Variants in STK35 observed in about 807,000 individuals in gnomAD.
STK35 encodes the protein serine/threonine-protein kinase 35.
A neutral mutation model predicts 37.3 loss-of-function variants in STK35; 17 were observed. The ratio of observed to expected loss-of-function variants is 0.46; its 90% CI spans 0.31 to 0.68. The LOEUF (loss-of-function observed/expected upper bound fraction) is 0.68, where lower values mean the gene tolerates loss of function less well. Among genes scored for constraint, STK35 ranks in the 30% least tolerant of loss-of-function variants. The probability of loss-of-function intolerance (pLI) is 0.05; values close to 1 mark genes in which losing one functional copy is unlikely to be tolerated. For missense variants in STK35, 595 were observed against 746.7 expected, an observed-to-expected ratio of 0.80 and a Z score of 2.37; for synonymous variants, 385 against 319.1, an observed-to-expected ratio of 1.21 and a Z score of -2.20.
intron 3 of STK35, among the ~76,000 whole-genome samples, chr20:2,131,978 C>T (rs145296246): frequency 6.6e-6 from 1 of 152,016 alleles, no homozygotes; most frequent in African/African-American, 2.4e-5. Context: ...AAACAAAAAC[C>T]CACACATTAG....
chr20:2,118,581 CAA>C (rs11295812), intron 3 of STK35, among the ~76,000 whole-genome samples: 12 of 141,976 alleles, frequency 8.5e-5, no homozygotes, highest in East Asian at 4.0e-4. Flanking sequence ...GACTCCGTCT[CAA>C]AAAAAAAAAA....
At chr20:2,111,937 T>A (rs537225470) in intron 2 of STK35, among the ~76,000 whole-genome samples, 1 of 152,164 alleles carries the variant, frequency 6.6e-6, no homozygotes, top group African/African-American at 2.4e-5. Context: ...CTTCCTCTCA[T>A]CCCAGCTTCT....
chr20:2,111,444 C>G (rs908405014), intron 2 of STK35, among the ~76,000 whole-genome samples: 1 of 152,130 alleles, frequency 6.6e-6, no homozygotes, highest in Non-Finnish European at 1.5e-5. Context: ...CCTATAATTA[C>G]CCAGTACTTA....
At chr20:2,103,510 C>T (rs1418038437) in intron 2 of STK35, 145 bp downstream of exon 2, 13 of 747,050 alleles carry the variant, frequency 1.7e-5, no homozygotes, top group Admixed American at 9.3e-5. Context: ...CTTTCCTGGG[C>T]CCAGGCATTC....
At chr20:2,139,987 A>C (rs1286093923) in intron 3 of STK35, among the ~76,000 whole-genome samples, 1 of 152,206 alleles carries the variant, frequency 6.6e-6, no homozygotes, top group African/African-American at 2.4e-5. Flanking sequence ...GAAGACTATC[A>C]TAGTGCAGAG....
intron 3 of STK35, among the ~76,000 whole-genome samples, chr20:2,136,345 C>T (rs1986087054): frequency 6.6e-6 from 1 of 152,212 alleles, no homozygotes; most frequent in Non-Finnish European, 1.5e-5. Context: ...CTGCATGCCT[C>T]ATTTCTCTCA....
intron 2 of STK35, among the ~76,000 whole-genome samples, 174 bp downstream of exon 2, chr20:2,103,539 C>G (rs1458284330): frequency 6.6e-6 from 1 of 152,174 alleles, no homozygotes; most frequent in Non-Finnish European, 1.5e-5. Context: ...CTTCTCAGGT[C>G]CTAAGATCAG....
intron 3 of STK35, among the ~76,000 whole-genome samples, chr20:2,118,553 GC>G (rs1985760383): frequency 6.6e-6 from 1 of 151,696 alleles, no homozygotes; most frequent in Admixed American, 6.6e-5. Flanking sequence ...CTGCACTCCA[GC>G]CTGGGCAACA....
intron 2 of STK35, among the ~76,000 whole-genome samples, chr20:2,105,799 T>A (rs182411598): frequency 2.6e-5 from 4 of 152,328 alleles, no homozygotes; most frequent in Non-Finnish European, 4.4e-5. Flanking sequence ...ACTTGTTTCA[T>A]CATAGAACAC....
intron 3 of STK35, among the ~76,000 whole-genome samples, chr20:2,120,810 G>C (rs1239675459): frequency 6.6e-6 from 1 of 152,156 alleles, no homozygotes; most frequent in Non-Finnish European, 1.5e-5. Flanking sequence ...GTACCCATAG[G>C]TAATGTACAA....
At chr20:2,123,779 CTA>C (rs1985859624) in intron 3 of STK35, among the ~76,000 whole-genome samples, 1 of 152,184 alleles carries the variant, frequency 6.6e-6, no homozygotes, top group Non-Finnish European at 1.5e-5. Flanking sequence ...TAGGTCCACT[CTA>C]TGACTTCCTG....
rs867908297 is a variant in STK35 at position 2,117,734 on chromosome 20, C to T, written c.*37+319C>T. ...TGCTGGGATTACAGTTGTGAGCCAC[C>T]ATGCCCAGCCTCTCTTTTTTTTCTG... On this transcript the variant is annotated intron_variant, in intron 3 of 3. Transcript: ENST00000381482. The surrounding 1 kb of genome is among the most constrained non-coding windows in gnomAD (Gnocchi z 4.4). Among the ~76,000 whole-genome samples the T allele has an allele frequency of 6.6e-6, 1 of 152,208 alleles. No homozygotes were observed. Among genetic ancestry groups the T allele is most frequent in the Non-Finnish European group, 1.5e-5 (1 of 68,024 alleles).
intron 2 of STK35, among the ~76,000 whole-genome samples, chr20:2,105,371 G>A (rs932682675): frequency 2.6e-5 from 4 of 152,106 alleles, no homozygotes; most frequent in Non-Finnish European, 5.9e-5. Context: ...GTTCATTGAC[G>A]CCAGTCTCGA....
At chr20:2,133,945 A>C (rs967008874) in intron 3 of STK35, among the ~76,000 whole-genome samples, 37 of 152,028 alleles carry the variant, frequency 2.4e-4, no homozygotes, top group African/African-American at 8.9e-4. Flanking sequence ...TTCCCTCAGT[A>C]AGTCATACCC....
Position 2,102,938 on chromosome 20 carries a change from A to T in STK35, c.465A>T (p.Pro155=). 1 of 1,511,232 alleles carries T rather than the reference A, an allele frequency of 6.6e-7. No homozygotes were observed. Among genetic ancestry groups the T allele is most frequent in the Non-Finnish European group, 8.8e-7 (1 of 1,136,816 alleles). The allele number at this position is 1,511,232 out of a possible 1,614,324, so 93.6% of individuals were successfully genotyped here. A position where few individuals can be genotyped will look rare whatever the true frequency, so the allele number is the denominator to read the frequency against. Residue 155 remains proline, a synonymous_variant, in exon 2 of 4, where the codon CCA becomes CCT. Coordinates refer to ENST00000381482, the MANE Select transcript of STK35 (RefSeq NM_080836.4). ...TQSPERKRRS[P]VPRAPSTKLR... ...GCCCGGAGCGGAAAAGGCGAAGCCC[A>T]GTGCCGCGGGCGCCCAGCACGAAGC...
chr20:2,119,912 G>A (rs1020923029), intron 3 of STK35, among the ~76,000 whole-genome samples: 10 of 152,300 alleles, frequency 6.6e-5, no homozygotes, highest in South Asian at 2.1e-4. Context: ...TGTATTTCTC[G>A]AGTGAGTCAC....
At chr20:2,132,409 C>G (rs2122576927) in intron 3 of STK35, among the ~76,000 whole-genome samples, 1 of 152,344 alleles carries the variant, frequency 6.6e-6, no homozygotes, top group East Asian at 1.9e-4. Context: ...AGTGCCTATC[C>G]CTGGGTGGGT....
In STK35 at chr20:2,103,309, G is replaced by C; in HGVS notation, c.836G>C (p.Ser279Thr). 6.2e-7 allele frequency: 1 copy of C among 1,612,982 alleles called. No individual in the cohort carries two copies. The highest frequency in any genetic ancestry group is 8.5e-7 in the Non-Finnish European group (1 of 1,179,748). The change falls in exon 2 of 4, where the codon AGT (serine) becomes ACT (threonine). Residue 279 changes from serine to threonine, a missense_variant. Coordinates refer to ENST00000381482, the MANE Select transcript of STK35 (RefSeq NM_080836.4). ...CGCAATGGGTTAGCCCAGCGCATGAGTCACGGCAACAAGAGCTCGCAGCTT... is the reference window on the plus strand; with the variant it reads ...CGCAATGGGTTAGCCCAGCGCATGACTCACGGCAACAAGAGCTCGCAGCTT... ...LQRNGLAQRM[S>T]HGNKSSQLYL... is the part of the protein sequence containing the mutation.
rs34629084 is a variant in STK35 at position 2,146,020 on chromosome 20, AC to A, written c.*2278del. ...TGCTATCAGAGTAGCAAGAAACAGCACCCCTGTAGGTGACAGGTGGGCAGCC... is the reference window on the plus strand; with the variant it reads ...TGCTATCAGAGTAGCAAGAAACAGCACCCTGTAGGTGACAGGTGGGCAGCC... On this transcript the variant is annotated 3_prime_UTR_variant, in exon 4 of 4. Coordinates refer to ENST00000381482, the MANE Select transcript of STK35 (RefSeq NM_080836.4). 1 of 151,830 alleles carries A rather than the reference AC, an allele frequency of 6.6e-6. No homozygotes were observed. The highest frequency in any genetic ancestry group is 1.5e-5 in the Non-Finnish European group (1 of 67,970). The allele number at this position is 151,830 out of a possible 1,614,324, so 9.4% of individuals were successfully genotyped here.
Sources: gnomAD v4.1 joint callset for allele counts (sites outside exome capture counted in the v4.1 genomes callset) on GRCh38, gnomAD v4.1.1 for gene constraint, Gnocchi (gnomAD v3.1) non-coding constraint, MANE v1.5 for transcripts, NCBI Gene and HGNC (gene_info 2026-07-23, HGNC 2026-07-21) for gene names.